Variants in ZFAND3 observed in about 807,000 individuals in gnomAD.
ZFAND3 encodes AN1-type zinc finger protein 3.
ZFAND3 carries 10 observed loss-of-function variants against 29.6 expected under a neutral mutation model. The observed-to-expected ratio is 0.34, with a 90% CI of 0.21 to 0.57. The LOEUF is 0.57. Ranked by LOEUF, ZFAND3 falls within the 20% of genes least tolerant of loss-of-function variation. The pLI, the probability that ZFAND3 is intolerant of heterozygous loss-of-function variation, is 0.86. For synonymous variants in ZFAND3, 128 were observed against 112.6 expected (o/e 1.14, Z -0.87); for missense variants, 230 against 304.5 (o/e 0.76, Z 1.82).
chr6:38,133,749 CAA>C (rs879729794), intron 5 of ZFAND3, among the ~76,000 whole-genome samples: 9 of 120,864 alleles, frequency 7.4e-5, no homozygotes, highest in Non-Finnish European at 5.3e-5. Flanking sequence ...GACTCTGTCT[CAA>C]AAAAAAAAAA....
chr6:37,866,379 G>A (rs560670612), intron 1 of ZFAND3, among the ~76,000 whole-genome samples: 6 of 152,270 alleles, frequency 3.9e-5, no homozygotes, highest in Non-Finnish European at 8.8e-5. Context: ...GTTATATGAT[G>A]TGGTATTTGA....
chr6:37,973,319 T>G (rs1762423090), intron 2 of ZFAND3, among the ~76,000 whole-genome samples: 1 of 152,198 alleles, frequency 6.6e-6, no homozygotes, highest in African/African-American at 2.4e-5. Context: ...CATTGGTGGG[T>G]GGCCTCAGTA....
chr6:38,098,962 G>C (rs1189815451), intron 4 of ZFAND3, among the ~76,000 whole-genome samples: 1 of 152,064 alleles, frequency 6.6e-6, no homozygotes, highest in African/African-American at 2.4e-5. Flanking sequence ...TCAAACTCCT[G>C]GTCTAGGCCT....
intron 1 of ZFAND3, among the ~76,000 whole-genome samples, chr6:37,830,551 G>A (rs11964613): frequency 0.13 from 19,802 of 152,162 alleles, 2,099 homozygotes; most frequent in African/African-American, 0.3. Context: ...GCAGCTTTCA[G>A]CAAAATTGGT....
At chr6:38,100,157 A>G (rs1446827950) in intron 4 of ZFAND3, among the ~76,000 whole-genome samples, 1 of 151,834 alleles carries the variant, frequency 6.6e-6, no homozygotes, top group African/African-American at 2.4e-5. Context: ...TCCGCCTCCC[A>G]GGTTCAAGTG....
At chr6:37,885,324 C>T (rs1431012551) in intron 1 of ZFAND3, among the ~76,000 whole-genome samples, 2 of 152,098 alleles carry the variant, frequency 1.3e-5, no homozygotes, top group Non-Finnish European at 2.9e-5. Flanking sequence ...TTCCTCATCC[C>T]TAGGAATACA....
chr6:37,868,410 T>C (rs925121045), intron 1 of ZFAND3, among the ~76,000 whole-genome samples: 22 of 151,998 alleles, frequency 1.4e-4, no homozygotes, highest in Admixed American at 1.4e-3. Flanking sequence ...GCATTTGTGA[T>C]AGAGGGAGGG....
intron 2 of ZFAND3, among the ~76,000 whole-genome samples, chr6:37,965,492 C>A (rs1413712928): frequency 6.6e-6 from 1 of 152,094 alleles, no homozygotes; most frequent in Non-Finnish European, 1.5e-5. Context: ...GGACAGTATA[C>A]AAGGGACATC....
At chr6:37,931,766 A>G (rs1284940630) in intron 2 of ZFAND3, among the ~76,000 whole-genome samples, 1 of 152,104 alleles carries the variant, frequency 6.6e-6, no homozygotes, top group Non-Finnish European at 1.5e-5. Flanking sequence ...TAATCTATTC[A>G]TTATGCTATT....
intron 4 of ZFAND3, among the ~76,000 whole-genome samples, chr6:38,115,693 G>A (rs956514487): frequency 1.3e-5 from 2 of 152,182 alleles, no homozygotes; most frequent in African/African-American, 2.4e-5. Context: ...GAGGTACATC[G>A]TGGGTATGCA....
chr6:37,914,072 T>C (rs1422912493), intron 1 of ZFAND3, among the ~76,000 whole-genome samples: 1 of 152,124 alleles, frequency 6.6e-6, no homozygotes, highest in Admixed American at 6.5e-5. Context: ...ACTTGAAAGC[T>C]GAAATGATTC....
chr6:37,927,736 A>G (rs1386604112), intron 1 of ZFAND3, among the ~76,000 whole-genome samples: 2 of 152,224 alleles, frequency 1.3e-5, no homozygotes, highest in African/African-American at 4.8e-5. Context: ...TTACTTTCTC[A>G]GGGAACTGAC....
intron 5 of ZFAND3, among the ~76,000 whole-genome samples, chr6:38,120,951 G>A (rs2127486841): frequency 6.6e-6 from 1 of 152,264 alleles, no homozygotes; most frequent in Admixed American, 6.5e-5. Context: ...AATTCATCAA[G>A]CATTTACTGA....
chr6:38,018,592 A>G (rs922003734), intron 2 of ZFAND3, among the ~76,000 whole-genome samples: 1 of 151,982 alleles, frequency 6.6e-6, no homozygotes, highest in African/African-American at 2.4e-5. Flanking sequence ...TCTACTCAGA[A>G]TTTCTTGGAG....
At chr6:38,103,484 CAT>C (rs1491153035) in intron 4 of ZFAND3, among the ~76,000 whole-genome samples, 7 of 5,460 alleles carry the variant, frequency 1.3e-3, no homozygotes, top group African/African-American at 5.4e-3. Flanking sequence ...TATATACACA[CAT>C]ATATACACGT....
At chr6:38,087,761 C>G in intron 4 of ZFAND3, among the ~76,000 whole-genome samples, 1 of 152,156 alleles carries the variant, frequency 6.6e-6, no homozygotes, top group Non-Finnish European at 1.5e-5. Flanking sequence ...TTATTACAAC[C>G]ACTATGGAGA....
intron 1 of ZFAND3, among the ~76,000 whole-genome samples, chr6:37,844,896 C>T (rs963510279): frequency 1.2e-4 from 18 of 149,952 alleles, no homozygotes; most frequent in South Asian, 4.2e-4. Context: ...TTGTGGCGGG[C>T]GCCTATAGTC....
At chr6:38,120,278 C>T (rs1032306324) in intron 5 of ZFAND3, among the ~76,000 whole-genome samples, 2 of 136,624 alleles carry the variant, frequency 1.5e-5, no homozygotes, top group Admixed American at 7.7e-5. Flanking sequence ...AGAATGCCGT[C>T]TTCTCTGAGC....
chr6:38,040,891 T>C (rs1763747371), intron 2 of ZFAND3, among the ~76,000 whole-genome samples: 1 of 152,176 alleles, frequency 6.6e-6, no homozygotes, highest in Admixed American at 6.5e-5. Context: ...TGATCCACAG[T>C]CTATATTCAA....
Sources: gnomAD v4.1 joint callset for allele counts (sites outside exome capture counted in the v4.1 genomes callset) on GRCh38, gnomAD v4.1.1 for gene constraint, MANE v1.5 for transcripts, NCBI Gene and HGNC (gene_info 2026-07-23, HGNC 2026-07-21) for gene names.